Variants in ADA2 observed in about 807,000 individuals in gnomAD.
ADA2 encodes adenosine deaminase 2.
In ADA2, 29 loss-of-function variants were observed where a neutral mutation model predicts 44.2. The ratio of observed to expected loss-of-function variants is 0.66; its 90% CI spans 0.49 to 0.89. The LOEUF (loss-of-function observed/expected upper bound fraction) is 0.89. Among genes scored for constraint, ADA2 ranks in the 40% least tolerant of loss-of-function variants. ADA2 has a pLI of 0.00. For missense variants in ADA2, 637 were observed against 644.8 expected, an observed-to-expected ratio of 0.99 and a Z score of 0.13; for synonymous variants, 215 against 234.9, an observed-to-expected ratio of 0.92 and a Z score of 0.77.
intron 7 of ADA2, among the ~76,000 whole-genome samples, chr22:17,185,076 G>A (rs1038282427): frequency 6.1e-5 from 9 of 147,004 alleles, no homozygotes; most frequent in African/African-American, 2.3e-4. Flanking sequence ...ATGTGTTTTG[G>A]TGGATTTTCA....
chr22:17,193,569 G>A (rs1361730054), intron 4 of ADA2, among the ~76,000 whole-genome samples: 10 of 151,230 alleles, frequency 6.6e-5, no homozygotes, highest in Non-Finnish European at 1.5e-4. Flanking sequence ...TCGGGAGGCT[G>A]AGGCAGGATA....
Position 17,191,681 on chromosome 22 carries a change from A to G in ADA2, c.881+2T>C. 1 of 1,612,882 alleles carries G rather than the reference A, an allele frequency of 6.2e-7. No homozygotes were observed. The highest frequency in any genetic ancestry group is 1.1e-5 in the South Asian group (1 of 90,964). ...GAGCTTTTCAGCAATATTCTCTCTC[A>G]CCTGTGATCCGAATAAATGATTTTG... On this transcript the variant is annotated splice_donor_variant, in intron 5 of 9. Coordinates refer to ENST00000399837, the MANE Select transcript of ADA2 (RefSeq NM_001282225.2). LOFTEE classifies it high-confidence loss of function.
At position 17,191,796 on chromosome 22, in the gene ADA2, A is replaced by C. The variant is rs747500628; in HGVS notation, c.768T>G (p.Ser256Arg). ...RARLLPVYELSGEHHDEEWSV... is the reference protein window; with the variant it reads ...RARLLPVYELRGEHHDEEWSV... ...ACCACTCTTCGTCATGGTGCTCTCC[A>C]CTGAGCTCATACACCTGGGAAGAAA... is the stretch of plus-strand genomic sequence containing the variant. The change falls in exon 5 of 10, where the codon AGT (serine) becomes AGG (arginine). Residue 256 changes from serine to arginine, a missense_variant. Transcript: ENST00000399837. 1.2e-6 allele frequency: 2 copies of C among 1,613,264 alleles called. No homozygotes were observed. The highest frequency in any genetic ancestry group is 2.2e-5 in the East Asian group (1 of 44,864).
At chr22:17,189,763 A>G (rs1407102040) in intron 6 of ADA2, 179 bp downstream of exon 6, 2 of 568,332 alleles carry the variant, frequency 3.5e-6, no homozygotes, top group Non-Finnish European at 6.4e-6. Context: ...AGGCCTCTGA[A>G]GAGGGTCAGC....
chr22:17,187,166 C>A (rs1429094706), intron 7 of ADA2, among the ~76,000 whole-genome samples: 211 of 127,410 alleles, frequency 1.7e-3, no homozygotes, highest in Non-Finnish European at 1.8e-3. Context: ...GACTCCATCT[C>A]AAAAAAAAAA....
rs534530595 is a variant in ADA2 at position 17,183,690 on chromosome 22, G to C, written c.1082-929C>G. Among the ~76,000 whole-genome samples, 304 of 150,522 alleles carry C rather than the reference G, an allele frequency of 2.0e-3. 2 individuals carry two copies. The highest frequency in any genetic ancestry group is 7.2e-3 in the African/African-American group (293 of 40,944). Reference sequence around the variant, plus strand: ...TCGGCCAGGCCGGTCTCAAACTCCTGACCTCAGGGGATCCACCCGCCTAGG... The same window carrying C: ...TCGGCCAGGCCGGTCTCAAACTCCTCACCTCAGGGGATCCACCCGCCTAGG... On this transcript the variant is annotated intron_variant, in intron 7 of 9. Coordinates refer to ENST00000399837, the MANE Select transcript of ADA2 (RefSeq NM_001282225.2).
chr22:17,180,788 A>G lies in ADA2; in HGVS notation c.*695T>C, dbSNP rs1399782592. 1 of 152,222 alleles carries G rather than the reference A, an allele frequency of 6.6e-6. No homozygotes were observed. Among genetic ancestry groups the G allele is most frequent in the Non-Finnish European group, 1.5e-5 (1 of 68,076 alleles). The allele number at this position is 152,222 out of a possible 1,614,324, so 9.4% of individuals were successfully genotyped here. A position where few individuals can be genotyped will look rare whatever the true frequency, so the allele number is the denominator to read the frequency against. The stretch of plus-strand genomic sequence containing the variant: ...ATGAAAAAGCAAAGGAATGGATGAG[A>G]CCACCCAGGAAAAGTGTACAGAGAG... On this transcript the variant is annotated 3_prime_UTR_variant, in exon 10 of 10. Coordinates refer to ENST00000399837, the MANE Select transcript of ADA2 (RefSeq NM_001282225.2).
rs761997558 is a variant in ADA2 at position 17,181,457 on chromosome 22, C to CT, written c.*25dup. 26 of 1,470,202 alleles carry CT rather than the reference C, an allele frequency of 1.8e-5. No individual in the cohort carries two copies. The East Asian group carries it at 5.9e-4, about 33-fold the overall frequency. 91.1% of individuals were successfully genotyped at this position (1,470,202 alleles called of 1,614,324 possible). ...AGTGACAGCGTGTGCAAGAAGACAG[C>CT]TTGTAGAGGGCTGGCTAGCTTCTCC... On this transcript the variant is annotated 3_prime_UTR_variant, in exon 10 of 10. Transcript: ENST00000399837.
intron 4 of ADA2, chr22:17,199,658 T>C: frequency 6.2e-7 from 1 of 1,612,140 alleles, no homozygotes; most frequent in Non-Finnish European, 8.5e-7. Flanking sequence ...ATTAGGACGC[T>C]CAGAGAGCCC....
intron 5 of ADA2, 97 bp from the exon 6 acceptor site, chr22:17,190,129 G>A: frequency 1.0e-6 from 1 of 968,728 alleles, no homozygotes; most frequent in Non-Finnish European, 1.6e-6. Flanking sequence ...CCAGCCCCAA[G>A]TGTGCAGGTC....
At chr22:17,199,741 T>G in intron 4 of ADA2, 1 of 1,479,424 alleles carries the variant, frequency 6.8e-7, no homozygotes, top group Non-Finnish European at 9.0e-7. Context: ...CTATTTGACC[T>G]TCATCAAGCT....
chr22:17,182,869 C>T, intron 7 of ADA2, 108 bp from the exon 8 acceptor site: 1 of 1,075,242 alleles, frequency 9.3e-7, no homozygotes, highest in South Asian at 1.5e-5. Context: ...AATAAACAGC[C>T]CCCCAAGCAC....
intron 4 of ADA2, chr22:17,199,698 A>G (rs1245735631): frequency 6.7e-7 from 1 of 1,488,280 alleles, no homozygotes; most frequent in Non-Finnish European, 8.9e-7. Flanking sequence ...CGAACTTAGG[A>G]GCCCTGGTCT....
chr22:17,192,941 CA>C, intron 4 of ADA2: 1 of 589,396 alleles, frequency 1.7e-6, no homozygotes. Context: ...GCCTGATTGT[CA>C]AAAAGAGAAC....
At chr22:17,196,716 G>A (rs1461634659) in intron 4 of ADA2, among the ~76,000 whole-genome samples, 1 of 152,208 alleles carries the variant, frequency 6.6e-6, no homozygotes, top group African/African-American at 2.4e-5. Flanking sequence ...TTAATTCAAG[G>A]AGAGTGCTGT....
Position 17,199,442 on chromosome 22 carries a change from C to CCCCTCCCTCCCCTCCTCTATCCTCTTT in ADA2, c.753+4120_753+4121insAAAGAGGATAGAGGAGGGGAGGGAGGG. 9.8e-6 allele frequency: 10 copies of CCCCTCCCTCCCCTCCTCTATCCTCTTT among 1,022,706 alleles called. No individual in the cohort carries two copies. The Middle Eastern group carries it at 1.0e-3, about 107-fold the overall frequency. The allele number at this position is 1,022,706 out of a possible 1,614,324, so 63.4% of individuals were successfully genotyped here. On this transcript the variant is annotated intron_variant, in intron 4 of 9. Transcript: ENST00000399837. ...CCTCCCTCCCCTCCTCTATCCTCTT[C>CCCCTCCCTCCCCTCCTCTATCCTCTTT]CCCTCCACCCACGAAGATCCCAGGG...
intron 4 of ADA2, among the ~76,000 whole-genome samples, chr22:17,196,166 C>A (rs1327518021): frequency 6.6e-6 from 1 of 151,782 alleles, no homozygotes; most frequent in Admixed American, 6.6e-5. Flanking sequence ...CATGGTGAAA[C>A]CCCTTCTCTA....
chr22:17,207,541 T>C lies in ADA2; in HGVS notation c.323-251A>G, dbSNP rs565046509. Among the ~76,000 whole-genome samples the C allele has an allele frequency of 1.1e-3, 161 of 152,182 alleles. 1 individual carries two copies. Among genetic ancestry groups the C allele is most frequent in the African/African-American group, 3.8e-3 (156 of 41,526 alleles). On this transcript the variant is annotated intron_variant, in intron 2 of 9. Transcript: ENST00000399837. ...AAGCAGAAGGATTTCTGTCCAGACA[T>C]GTTTCTCGGAACTTGTTTAAGGCTC...
At chr22:17,204,619 A>AG (rs376901511) in intron 3 of ADA2, among the ~76,000 whole-genome samples, 16 of 151,822 alleles carry the variant, frequency 1.1e-4, no homozygotes, top group African/African-American at 3.4e-4. Flanking sequence ...AAAAAAAAAA[A>AG]AAGAAGAAGA....
Sources: gnomAD v4.1 joint callset for allele counts (sites outside exome capture counted in the v4.1 genomes callset) on GRCh38, gnomAD v4.1.1 for gene constraint, MANE v1.5 for transcripts, NCBI Gene and HGNC (gene_info 2026-07-23, HGNC 2026-07-21) for gene names.